QTGAL: variants seen among roughly 807,000 people sequenced by gnomAD.
The protein encoded by QTGAL is queuosine-tRNA galactosyltransferase.
the QTGAL span, among the ~76,000 whole-genome samples, chr17:82,998,625 G>A: frequency 8.5e-5 from 13 of 152,152 alleles, no homozygotes; most frequent in African/African-American, 1.7e-4. Context: ...GATTACAGGC[G>A]TGAGCCACCA....
the QTGAL span, among the ~76,000 whole-genome samples, chr17:83,009,248 C>T: frequency 6.6e-6 from 1 of 151,968 alleles, no homozygotes; most frequent in Non-Finnish European, 1.5e-5. Flanking sequence ...ATGGTGAAAC[C>T]CTATCTCTAC....
At chr17:83,003,533 C>T in the QTGAL span, among the ~76,000 whole-genome samples, 12 of 37,418 alleles carry the variant, frequency 3.2e-4, no homozygotes, top group African/African-American at 1.4e-3. Context: ...ATTCCTGAGC[C>T]CGCCCTCCCA....
the QTGAL span, among the ~76,000 whole-genome samples, chr17:82,966,036 G>C: frequency 6.6e-6 from 1 of 151,414 alleles, no homozygotes; most frequent in South Asian, 2.1e-4. Context: ...CAGCCTCCCA[G>C]GTAGCTGGGA....
At chr17:83,040,910 C>CA in the QTGAL span, among the ~76,000 whole-genome samples, 1 of 151,804 alleles carries the variant, frequency 6.6e-6, no homozygotes, top group Admixed American at 6.6e-5. Context: ...CTAAAAAATA[C>CA]AAAAAATTAG....
At chr17:83,041,725 T>C in the QTGAL span, among the ~76,000 whole-genome samples, 2 of 152,248 alleles carry the variant, frequency 1.3e-5, no homozygotes, top group African/African-American at 4.8e-5. Context: ...GACAGAACCA[T>C]GGTTTCTACT....
At chr17:83,035,823 G>A in the QTGAL span, among the ~76,000 whole-genome samples, 1 of 152,142 alleles carries the variant, frequency 6.6e-6, no homozygotes, top group Admixed American at 6.6e-5. Context: ...GCACATGTGT[G>A]ACGGGCTGGT....
the QTGAL span, chr17:82,942,438 CTCT>C: frequency 9.9e-6 from 16 of 1,613,650 alleles, no homozygotes; most frequent in East Asian, 4.5e-5. Context: ...CTTGTCTTGT[CTCT>C]TCTTCAGCCT....
At chr17:83,046,117 C>A in the QTGAL span, among the ~76,000 whole-genome samples, 3 of 151,866 alleles carry the variant, frequency 2.0e-5, no homozygotes, top group African/African-American at 7.3e-5. Context: ...ACCCACCAAA[C>A]CCGGCCCATT....
At chr17:82,942,194 T>TG in the QTGAL span, 2 of 556,626 alleles carry the variant, frequency 3.6e-6, no homozygotes, top group Admixed American at 6.9e-5. Flanking sequence ...TTCAAACGTG[T>TG]GAATGCAGGT....
At chr17:82,959,361 A>ATG in the QTGAL span, among the ~76,000 whole-genome samples, 50,972 of 151,518 alleles carry the variant, frequency 0.34, 8,787 homozygotes, top group East Asian at 0.41. Flanking sequence ...GTGTGTGTGC[A>ATG]CGTGAGTGCG....
the QTGAL span, chr17:83,005,120 T>C: frequency 6.2e-7 from 1 of 1,604,406 alleles, no homozygotes; most frequent in Admixed American, 1.7e-5. The surrounding 1 kb of genome is among the most constrained non-coding windows in gnomAD (Gnocchi z 5.6). Flanking sequence ...GGTACCTGGG[T>C]TAGGAGCTGC....
chr17:82,944,094 A>C, the QTGAL span: 2 of 152,198 alleles, frequency 1.3e-5, no homozygotes, highest in African/African-American at 2.4e-5. Context: ...AACATGATGA[A>C]CTGTTCTTAG....
chr17:82,961,281 G>T, the QTGAL span: 4 of 1,469,900 alleles, frequency 2.7e-6, no homozygotes, highest in Non-Finnish European at 3.7e-6. Context: ...ACCAGGAACC[G>T]GTGGAAAAGG....
the QTGAL span, among the ~76,000 whole-genome samples, chr17:83,041,872 T>A: frequency 6.6e-6 from 1 of 152,344 alleles, no homozygotes; most frequent in Non-Finnish European, 1.5e-5. Context: ...AAAGTCATCT[T>A]TCAAAAATGA....
the QTGAL span, among the ~76,000 whole-genome samples, chr17:82,977,203 C>G: frequency 1.3e-5 from 2 of 152,228 alleles, no homozygotes; most frequent in Non-Finnish European, 2.9e-5. Context: ...AACGGAGGCC[C>G]GAAAGCAAGA....
chr17:82,969,270 G>A, the QTGAL span, among the ~76,000 whole-genome samples: 1 of 151,676 alleles, frequency 6.6e-6, no homozygotes, highest in Non-Finnish European at 1.5e-5. Context: ...AGCGATTCTT[G>A]TGCCTCGGCC....
chr17:83,019,679 G>A, the QTGAL span, among the ~76,000 whole-genome samples: 3 of 152,214 alleles, frequency 2.0e-5, no homozygotes, highest in African/African-American at 7.2e-5. Context: ...TAAATTTTAT[G>A]TTATATACAT....
chr17:82,987,781 A>C, the QTGAL span, among the ~76,000 whole-genome samples: 438 of 152,286 alleles, frequency 2.9e-3, 4 homozygotes, highest in African/African-American at 0.01. Flanking sequence ...CATGAATTTT[A>C]AAGTAGTTTT....
At chr17:83,005,643 G>A in the QTGAL span, 1 of 703,332 alleles carries the variant, frequency 1.4e-6, no homozygotes, top group Non-Finnish European at 2.6e-6. This position sits in a 1 kb window ranked among gnomAD's most constrained non-coding sequence, Gnocchi z 5.6. Flanking sequence ...GTCTGAACCT[G>A]CTCCATTCAG....
Sources: gnomAD v4.1 joint callset for allele counts (sites outside exome capture counted in the v4.1 genomes callset) on GRCh38, gnomAD v4.1.1 for gene constraint, Gnocchi (gnomAD v3.1) non-coding constraint, MANE v1.5 for transcripts, NCBI Gene and HGNC (gene_info 2026-07-23, HGNC 2026-07-21) for gene names.